Variants in C2CD5 observed in about 807,000 individuals in gnomAD.
C2CD5 encodes the protein C2 domain-containing protein 5.
Under a neutral mutation model 130.3 loss-of-function variants are expected in C2CD5, and 109 were observed. That is an observed-to-expected ratio of 0.84 (90% confidence interval 0.72 to 0.98). C2CD5 has a LOEUF of 0.98. Ranked by LOEUF, C2CD5 falls within the 50% of genes least tolerant of loss-of-function variation. C2CD5 has a pLI of 0.00. For synonymous variants in C2CD5, 454 were observed against 429.2 expected, an observed-to-expected ratio of 1.06 and a Z score of -0.71; for missense variants, 996 against 1,261.8, an observed-to-expected ratio of 0.79 and a Z score of 3.19.
chr12:22,473,473 C>T (rs1359888969), intron 16 of C2CD5, among the ~76,000 whole-genome samples: 2 of 152,152 alleles, frequency 1.3e-5, no homozygotes, highest in Admixed American at 6.6e-5. Context: ...TTCCCCAAAA[C>T]GTTCCACACC....
intron 17 of C2CD5, 55 bp downstream of exon 17, chr12:22,472,689 C>T (rs1943226166): frequency 1.0e-6 from 1 of 975,686 alleles, no homozygotes; most frequent in Non-Finnish European, 1.7e-6. Flanking sequence ...CAATTATGAG[C>T]TAAAACATTT....
intron 10 of C2CD5, among the ~76,000 whole-genome samples, chr12:22,501,399 A>G (rs980732450): frequency 6.6e-6 from 1 of 152,128 alleles, no homozygotes; most frequent in Non-Finnish European, 1.5e-5. Context: ...TTTGACCAAC[A>G]CACATCTCAC....
chr12:22,501,161 T>C (rs1947730301), intron 10 of C2CD5, among the ~76,000 whole-genome samples: 1 of 152,216 alleles, frequency 6.6e-6, no homozygotes, highest in African/African-American at 2.4e-5. Context: ...ATCAAAAGCA[T>C]ACTACAAGGT....
intron 12 of C2CD5, among the ~76,000 whole-genome samples, chr12:22,485,190 G>T (rs1945312766): frequency 6.6e-6 from 1 of 151,860 alleles, no homozygotes; most frequent in African/African-American, 2.4e-5. Context: ...TTTTCTCTGG[G>T]ATACAACATT....
At chr12:22,535,160 A>C in intron 3 of C2CD5, 98 bp downstream of exon 3, 4 of 715,110 alleles carry the variant, frequency 5.6e-6, no homozygotes, top group Non-Finnish European at 9.9e-6. Flanking sequence ...TGATGTAGAA[A>C]TACTACTATG....
chr12:22,537,137 TC>T (rs1362337830), intron 2 of C2CD5, among the ~76,000 whole-genome samples: 1 of 152,238 alleles, frequency 6.6e-6, no homozygotes, highest in Non-Finnish European at 1.5e-5. Context: ...TACAGTTTTG[TC>T]CCACTATAAC....
At chr12:22,485,520 TA>T (rs1055972356) in intron 12 of C2CD5, among the ~76,000 whole-genome samples, 29 of 152,088 alleles carry the variant, frequency 1.9e-4, no homozygotes, top group Non-Finnish European at 3.2e-4. Context: ...TAATTTAATG[TA>T]AAAAAGTATT....
chr12:22,502,267 T>C (rs1947895629), intron 10 of C2CD5, among the ~76,000 whole-genome samples: 1 of 152,104 alleles, frequency 6.6e-6, no homozygotes, highest in Non-Finnish European at 1.5e-5. Context: ...TCTAGAATTA[T>C]AAATAAAAAT....
chr12:22,464,067 C>T (rs2136086856), intron 22 of C2CD5, among the ~76,000 whole-genome samples: 1 of 152,138 alleles, frequency 6.6e-6, no homozygotes, highest in South Asian at 2.1e-4. Flanking sequence ...TCAGTATAAA[C>T]CTGATCTATA....
chr12:22,481,477 C>T (rs1041029926), intron 14 of C2CD5, among the ~76,000 whole-genome samples: 6 of 151,998 alleles, frequency 3.9e-5, no homozygotes, highest in Non-Finnish European at 7.4e-5. Flanking sequence ...GATCAATACA[C>T]TTTTTGCAGG....
At chr12:22,485,492 C>T (rs1338050277) in intron 12 of C2CD5, among the ~76,000 whole-genome samples, 2 of 151,502 alleles carry the variant, frequency 1.3e-5, no homozygotes, top group African/African-American at 4.9e-5. Context: ...TAAAAAAAAT[C>T]CAAGTGTAAT....
intron 4 of C2CD5, 95 bp from the exon 5 acceptor site, chr12:22,525,800 TA>T (rs1950665589): frequency 2.8e-6 from 2 of 719,376 alleles, no homozygotes; most frequent in South Asian, 3.3e-5. Flanking sequence ...GATTTTAAAA[TA>T]CAATGATTTA....
intron 21 of C2CD5, 142 bp from the exon 22 acceptor site, chr12:22,469,937 T>C (rs1018837888): frequency 1.9e-6 from 1 of 529,404 alleles, no homozygotes; most frequent in Non-Finnish European, 3.3e-6. Flanking sequence ...TCTCCTTGAT[T>C]TCTCCCATGG....
chr12:22,527,841 G>A lies in C2CD5; in HGVS notation c.229C>T (p.His77Tyr). 1 of 1,610,622 alleles carries A rather than the reference G, an allele frequency of 6.2e-7. No homozygotes were observed. Among genetic ancestry groups the A allele is most frequent in the South Asian group, 1.1e-5 (1 of 90,786 alleles). Residue 77 changes from histidine to tyrosine, a missense_variant, in exon 4 of 27, where the codon CAT becomes TAT. This residue lies in a region of C2CD5 where 68 missense variants were observed against 154.5 expected (regional missense o/e 0.44). Transcript: ENST00000446597. ...DEPLQITVLDHDTYSANDAIG... is the reference protein window; with the variant it reads ...DEPLQITVLDYDTYSANDAIG... The stretch of plus-strand genomic sequence containing the variant: ...GCATCATTTGCACTGTAAGTATCAT[G>A]GTCAAGAACTGTGATCTGTAAAGGT...
chr12:22,485,291 G>A (rs1178940294), intron 12 of C2CD5, among the ~76,000 whole-genome samples: 2 of 151,912 alleles, frequency 1.3e-5, no homozygotes, highest in Non-Finnish European at 2.9e-5. Context: ...AAAATATTTT[G>A]GTTACCAGAG....
chr12:22,504,164 GTTT>G (rs922201149), intron 10 of C2CD5, among the ~76,000 whole-genome samples: 1 of 143,314 alleles, frequency 7.0e-6, no homozygotes, highest in African/African-American at 2.6e-5. Context: ...AATGCAGTTC[GTTT>G]TTTTTTTTAA....
chr12:22,509,077 A>C (rs1369396134), intron 9 of C2CD5, among the ~76,000 whole-genome samples: 1 of 151,530 alleles, frequency 6.6e-6, no homozygotes, highest in Non-Finnish European at 1.5e-5. Context: ...ACGGGGTTTC[A>C]CCTTGTTAGC....
Position 22,472,237 on chromosome 12 carries a change from T to A in C2CD5, c.2169+49A>T, listed in dbSNP as rs183913793. The A allele has an allele frequency of 9.5e-5, 106 of 1,116,146 alleles. No homozygotes were observed. In the Middle Eastern group the frequency reaches 1.2e-3, roughly 13 times the overall value. 69.1% of individuals were successfully genotyped at this position (1,116,146 alleles called of 1,614,324 possible). A position where few individuals can be genotyped will look rare whatever the true frequency, so the allele number is the denominator to read the frequency against. ...AGACAAATATTTAAATGGAACTTAC[T>A]AAAATAACTTATGTGTTATGTGCTT... is the stretch of plus-strand genomic sequence containing the variant. On this transcript the variant is annotated intron_variant, in intron 18 of 26. Transcript: ENST00000446597.
intron 2 of C2CD5, among the ~76,000 whole-genome samples, chr12:22,543,793 TA>T (rs998769495): frequency 2.0e-5 from 3 of 152,100 alleles, no homozygotes; most frequent in African/African-American, 7.2e-5. Flanking sequence ...GGTGGCCTGT[TA>T]ATGAGTCCTG....
Sources: gnomAD v4.1 joint callset for allele counts (sites outside exome capture counted in the v4.1 genomes callset) on GRCh38, gnomAD v4.1.1 for gene constraint, gnomAD v4.1.1 regional missense constraint, MANE v1.5 for transcripts, NCBI Gene and HGNC (gene_info 2026-07-23, HGNC 2026-07-21) for gene names.